ARHGEF28: variants seen among roughly 807,000 people sequenced by gnomAD.
ARHGEF28 encodes the protein Rho guanine nucleotide exchange factor 28.
ARHGEF28 carries 152 observed loss-of-function variants against 206.6 expected under a neutral mutation model. The ratio of observed to expected loss-of-function variants is 0.74; its 90% CI spans 0.64 to 0.84. The LOEUF (loss-of-function observed/expected upper bound fraction) is 0.84, where lower values mean the gene tolerates loss of function less well. Ranked by LOEUF, ARHGEF28 falls within the 40% of genes least tolerant of loss-of-function variation. The pLI, the probability that ARHGEF28 is intolerant of heterozygous loss-of-function variation, is 0.00. For missense variants in ARHGEF28, 2,028 were observed against 2,073.2 expected (o/e 0.98, Z 0.42); for synonymous variants, 763 against 776.4 (o/e 0.98, Z 0.29).
At chr5:73,940,607 A>G (rs778437124) in intron 35 of ARHGEF28, among the ~76,000 whole-genome samples, 1 of 152,242 alleles carries the variant, frequency 6.6e-6, no homozygotes, top group Admixed American at 6.5e-5. Context: ...TTAAGATCCC[A>G]TGAACAGTAA....
intron 22 of ARHGEF28, among the ~76,000 whole-genome samples, chr5:73,876,968 A>G (rs1167168810): frequency 1.0e-3 from 145 of 144,084 alleles, no homozygotes; most frequent in African/African-American, 2.6e-3. Flanking sequence ...CTCTTTTTCT[A>G]TTGATTGGAA....
intron 3 of ARHGEF28, among the ~76,000 whole-genome samples, chr5:73,751,882 TG>T (rs1327219180): frequency 8.6e-5 from 13 of 151,530 alleles, no homozygotes; most frequent in African/African-American, 2.9e-4. Context: ...GGGAGGTGGG[TG>T]CATTCTGTGC....
chr5:73,700,411 A>G (rs1748524793), intron 2 of ARHGEF28, among the ~76,000 whole-genome samples: 1 of 152,234 alleles, frequency 6.6e-6, no homozygotes. Context: ...GTTTTTAAAT[A>G]GAGGAAAAAA....
rs566553220 is a variant in ARHGEF28, at chr5:73,765,837, C to CA, written c.476-8009dup. Among the ~76,000 whole-genome samples, 825 of 151,206 alleles carry CA rather than the reference C, an allele frequency of 5.5e-3. 8 individuals carry two copies. Among genetic ancestry groups the CA allele is most frequent in the African/African-American group, 0.015 (622 of 41,288 alleles). On this transcript the variant is annotated intron_variant, in intron 4 of 35. Coordinates refer to ENST00000513042, the MANE Select transcript of ARHGEF28 (RefSeq NM_001177693.2). ...TTAATGAGTTGAATTTAATGTGAAT[C>CA]AAAAAAAAATTAGTCTTCTAAAAAC...
intron 35 of ARHGEF28, among the ~76,000 whole-genome samples, chr5:73,913,381 A>T (rs1763017435): frequency 1.3e-5 from 2 of 152,184 alleles, no homozygotes; most frequent in South Asian, 4.1e-4. Flanking sequence ...TCTACAGGGG[A>T]GAAAAGAAAG....
At chr5:73,931,860 T>A (rs1168300052) in intron 35 of ARHGEF28, among the ~76,000 whole-genome samples, 1 of 152,220 alleles carries the variant, frequency 6.6e-6, no homozygotes, top group Non-Finnish European at 1.5e-5. Context: ...TGGCGTGGGA[T>A]TGAATCAAAT....
intron 7 of ARHGEF28, among the ~76,000 whole-genome samples, chr5:73,791,219 C>T (rs574355316): frequency 2.0e-5 from 3 of 152,258 alleles, no homozygotes; most frequent in East Asian, 1.9e-4. Context: ...AAGGGTTGAG[C>T]GGAAATCGAT....
chr5:73,779,094 C>T (rs1476097741), intron 6 of ARHGEF28, among the ~76,000 whole-genome samples: 1 of 152,188 alleles, frequency 6.6e-6, no homozygotes, highest in Non-Finnish European at 1.5e-5. Flanking sequence ...TCCAGGTGAA[C>T]CCAGTCAGAA....
intron 9 of ARHGEF28, among the ~76,000 whole-genome samples, chr5:73,814,513 T>TA (rs34821925): frequency 2.0e-5 from 3 of 152,064 alleles, no homozygotes; most frequent in Admixed American, 6.6e-5. Context: ...TTCTGAGGTT[T>TA]AAAAAAATAA....
chr5:73,764,261 C>G (rs1284168345), intron 4 of ARHGEF28, among the ~76,000 whole-genome samples: 1 of 152,214 alleles, frequency 6.6e-6, no homozygotes, highest in African/African-American at 2.4e-5. Context: ...GTCTCCCCAT[C>G]TTTGTACCAT....
intron 35 of ARHGEF28, 32 bp downstream of exon 35, chr5:73,911,607 T>C: frequency 6.5e-7 from 1 of 1,540,824 alleles, no homozygotes; most frequent in Non-Finnish European, 8.8e-7. Context: ...ATCTGTATAG[T>C]TTGAACAAGA....
rs182293649 is a variant in ARHGEF28 at position 73,851,069 on chromosome 5, T to C, written c.1748-1581T>C. Among the ~76,000 whole-genome samples the C allele has an allele frequency of 3.3e-3, 497 of 152,334 alleles. 5 individuals carry two copies. Among genetic ancestry groups the C allele is most frequent in the Admixed American group, 2.6e-3 (40 of 15,300 alleles). On this transcript the variant is annotated intron_variant, in intron 13 of 35. Transcript: ENST00000513042. Reference sequence around the variant, plus strand: ...CACTAATGAAGAAGGAATAATTTTATCTGTGTTTATGTAATCAAAGCACAA... The same window carrying C: ...CACTAATGAAGAAGGAATAATTTTACCTGTGTTTATGTAATCAAAGCACAA...
In ARHGEF28 at chr5:73,909,556, G is replaced by T; in HGVS notation, c.4306G>T (p.Glu1436Ter). The T allele has an allele frequency of 6.3e-7, 1 of 1,576,246 alleles. No individual in the cohort carries two copies. The highest frequency in any genetic ancestry group is 8.6e-7 in the Non-Finnish European group (1 of 1,161,038). ...KSRDADRQHE[E>*]LANVHQLQHQ... is the part of the protein sequence containing the mutation. ...TCGCGACGCGGACAGGCAGCATGAG[G>T]AGCTGGCCAATGTGCACCAGCTTCA... Residue 1436 changes from glutamate (E) to a stop codon, truncating the protein, a stop_gained, in exon 34 of 36, where the codon GAG becomes TAG. Coordinates refer to ENST00000513042, the MANE Select transcript of ARHGEF28 (RefSeq NM_001177693.2). LOFTEE classifies it high-confidence loss of function.
At chr5:73,915,044 G>C (rs1270307960) in intron 35 of ARHGEF28, among the ~76,000 whole-genome samples, 1 of 152,194 alleles carries the variant, frequency 6.6e-6, no homozygotes, top group Non-Finnish European at 1.5e-5. Flanking sequence ...CCAGCCATGA[G>C]TTGTACTTTT....
In ARHGEF28 at chr5:73,717,899, C is replaced by T. The variant is rs1749685984; in HGVS notation, c.34-31938C>T. 1.3e-5 allele frequency among the ~76,000 whole-genome samples: 2 copies of T among 152,010 alleles called. 1 individual carries two copies. The highest frequency in any genetic ancestry group is 4.2e-4 in the South Asian group (2 of 4,816). ...TGTCTTTTTTTGTGTGTGTGTGTGA[C>T]AGAGTTTCACTCTGTCACCAGGCTG... On this transcript the variant is annotated intron_variant, in intron 2 of 35. Transcript: ENST00000513042.
chr5:73,660,639 C>T lies in ARHGEF28; in HGVS notation c.-11-24202C>T, dbSNP rs570205800. ...ATAAGACTTGAAAGTCAAAATTACT[C>T]GTTGATCCTTGGGCTGCAGAATTAA... On this transcript the variant is annotated intron_variant, in intron 1 of 35. Coordinates refer to ENST00000513042, the MANE Select transcript of ARHGEF28 (RefSeq NM_001177693.2). Among the ~76,000 whole-genome samples, 135 of 152,316 alleles carry T rather than the reference C, an allele frequency of 8.9e-4. 1 individual carries two copies. The South Asian group carries it at 0.026, about 29-fold the overall frequency.
At chr5:73,738,405 T>C (rs1451135003) in intron 2 of ARHGEF28, among the ~76,000 whole-genome samples, 2 of 152,162 alleles carry the variant, frequency 1.3e-5, no homozygotes, top group Non-Finnish European at 2.9e-5. Context: ...TCTCTACTTT[T>C]CTTACTAAGG....
chr5:73,676,745 A>G (rs1746717957), intron 1 of ARHGEF28, among the ~76,000 whole-genome samples: 2 of 152,178 alleles, frequency 1.3e-5, no homozygotes, highest in Non-Finnish European at 2.9e-5. Flanking sequence ...ACAAGGGTTC[A>G]TTTAACTTGA....
In ARHGEF28 at chr5:73,753,086, C is replaced by A; in HGVS notation, c.359C>A (p.Thr120Asn). Residue 120 changes from threonine to asparagine, a missense_variant, in exon 4 of 36, where the codon ACC (threonine) becomes AAC (asparagine). Physicochemically the swap from Thr to Asn is moderately conservative, Grantham distance 65. Coordinates refer to ENST00000513042, the MANE Select transcript of ARHGEF28 (RefSeq NM_001177693.2). ...GCCTGCAGCCACCAGACCCTGCTGA[C>A]CCCATTTGCCTTGACGGCAGGAGCA... ...LTACSHQTLL[T>N]PFALTAGALP... The A allele has an allele frequency of 3.1e-6, 5 of 1,607,256 alleles. No homozygotes were observed. The South Asian group carries it at 4.5e-5, about 14-fold the overall frequency.
Sources: gnomAD v4.1 joint callset for allele counts (sites outside exome capture counted in the v4.1 genomes callset) on GRCh38, gnomAD v4.1.1 for gene constraint, MANE v1.5 for transcripts, NCBI Gene and HGNC (gene_info 2026-07-23, HGNC 2026-07-21) for gene names.